RECQL5: variants seen among roughly 807,000 people sequenced by gnomAD.
The protein encoded by RECQL5 is ATP-dependent DNA helicase Q5.
RECQL5 carries 88 observed loss-of-function variants against 103.4 expected under a neutral mutation model. The ratio of observed to expected loss-of-function variants is 0.85; its 90% CI spans 0.72 to 1.02. RECQL5 has a LOEUF of 1.02. RECQL5 is among the 50% of genes least tolerant of loss of function. RECQL5 has a pLI of 0.00. For missense variants in RECQL5, 1,232 were observed against 1,284.3 expected (o/e 0.96, Z 0.62); for synonymous variants, 552 against 507.9 (o/e 1.09, Z -1.17).
intron 8 of RECQL5, among the ~76,000 whole-genome samples, chr17:75,644,768 G>A (rs1272654000): frequency 6.7e-6 from 1 of 149,968 alleles, no homozygotes; most frequent in East Asian, 2.0e-4. Flanking sequence ...GACAGAGGTT[G>A]CAGTGAGCCA....
At chr17:75,641,875 C>T (rs62089258) in intron 8 of RECQL5, among the ~76,000 whole-genome samples, 3 of 152,116 alleles carry the variant, frequency 2.0e-5, no homozygotes, top group Admixed American at 6.5e-5. Flanking sequence ...CTGTCAGCTG[C>T]GTGACTCAAC....
chr17:75,659,058 T>C (rs2059664943), intron 6 of RECQL5, among the ~76,000 whole-genome samples: 1 of 152,010 alleles, frequency 6.6e-6, no homozygotes, highest in African/African-American at 2.4e-5. Context: ...TTATTTTGCT[T>C]GTTTTTTATT....
rs552211911 is a variant in RECQL5, at chr17:75,666,157, GGCTCAT to G, written c.130+265_130+270del. On this transcript the variant is annotated intron_variant, in intron 2 of 19. Coordinates refer to ENST00000317905, the MANE Select transcript of RECQL5 (RefSeq NM_004259.7). ...CTACAAGCTTTGGGCCGGGCGTGGTGGCTCATGCTTGTAATCCCAGCACCTTGGGAG... is the reference window on the plus strand; with the variant it reads ...CTACAAGCTTTGGGCCGGGCGTGGTGGCTTGTAATCCCAGCACCTTGGGAG... 5.8e-4 allele frequency among the ~76,000 whole-genome samples: 89 copies of G among 152,286 alleles called. 1 individual carries two copies. The South Asian group carries it at 9.1e-3, about 16-fold the overall frequency.
In RECQL5 at chr17:75,650,595, G is replaced by A. The variant is rs558787777; in HGVS notation, c.1229+591C>T. On this transcript the variant is annotated intron_variant, in intron 8 of 19. Coordinates refer to ENST00000317905, the MANE Select transcript of RECQL5 (RefSeq NM_004259.7). ...ATGAGATGAATCCAAGAGCTTTTTA[G>A]ACCAAAATGTAAAAACTCCTCCTGG... 10 of 1,591,590 alleles carry A rather than the reference G, an allele frequency of 6.3e-6. No individual in the cohort carries two copies. In the South Asian group the frequency reaches 8.0e-5, roughly 13 times the overall value.
intron 8 of RECQL5, among the ~76,000 whole-genome samples, chr17:75,647,060 G>C (rs941565970): frequency 3.9e-5 from 6 of 152,238 alleles, no homozygotes. Context: ...GGATGAGAGA[G>C]AGTCCTTGCT....
chr17:75,631,808 C>A, intron 8 of RECQL5, 140 bp from the exon 9 acceptor site: 1 of 813,198 alleles, frequency 1.2e-6, no homozygotes, highest in Non-Finnish European at 1.9e-6. Context: ...TCATCTCATC[C>A]AAGCTGCACC....
chr17:75,640,988 A>G lies in RECQL5; in HGVS notation c.1230-9320T>C. ...CCTGGCCCTGCAGCCCTTACCCCTCAAGACCAGGCTCCCCTGGCCCCAGCT... is the reference window on the plus strand; with the variant it reads ...CCTGGCCCTGCAGCCCTTACCCCTCGAGACCAGGCTCCCCTGGCCCCAGCT... On this transcript the variant is annotated intron_variant, in intron 8 of 19. Coordinates refer to ENST00000317905, the MANE Select transcript of RECQL5 (RefSeq NM_004259.7). The surrounding 1 kb of genome is among the most constrained non-coding windows in gnomAD (Gnocchi z 4.6). 1 of 1,499,488 alleles carries G rather than the reference A, an allele frequency of 6.7e-7. No individual in the cohort carries two copies. Among genetic ancestry groups the G allele is most frequent in the Non-Finnish European group, 8.9e-7 (1 of 1,121,234 alleles). 92.9% of individuals were successfully genotyped at this position (1,499,488 alleles called of 1,614,324 possible).
rs1242932852 is a variant in RECQL5, at chr17:75,662,860, T to C, written c.390A>G (p.Pro130=). The C allele has an allele frequency of 6.2e-7, 1 of 1,614,148 alleles. No homozygotes were observed. The highest frequency in any genetic ancestry group is 8.5e-7 in the Non-Finnish European group (1 of 1,180,024). ...GGAAGGAGGATGAAGCTGCCATCTC[T>C]GGGGTGATGTACAGAATCTTGGTCT... ...KPQTKILYIT[P]EMAASSSFQP... The change falls in exon 4 of 20, where the codon CCA becomes CCG. Residue 130 remains proline (P), a synonymous_variant. Coordinates refer to ENST00000317905, the MANE Select transcript of RECQL5 (RefSeq NM_004259.7).
Position 75,665,149 on chromosome 17 carries a change from T to C in RECQL5, c.154A>G (p.Met52Val), listed in dbSNP as rs1284278188. The C allele has an allele frequency of 6.2e-7, 1 of 1,611,264 alleles. No individual in the cohort carries two copies. The highest frequency in any genetic ancestry group is 8.5e-7 in the Non-Finnish European group (1 of 1,179,104). The stretch of plus-strand genomic sequence containing the variant: ...AGGGATTTTCCTGCCCCTGTGGGCA[T>C]GCACACAAAGACGTCCTTGTTACCT... ...VKGNKDVFVC[M>V]PTGAGKSLCY... Residue 52 changes from methionine (M) to valine (V), a missense_variant, in exon 3 of 20, where the codon ATG becomes GTG. By Grantham distance (21) the Met-to-Val change is conservative. Transcript: ENST00000317905.
intron 8 of RECQL5, among the ~76,000 whole-genome samples, chr17:75,642,031 C>T (rs558632379): frequency 2.0e-5 from 3 of 152,148 alleles, no homozygotes; most frequent in Non-Finnish European, 2.9e-5. Flanking sequence ...CACCATGACC[C>T]GTTATTATTT....
At chr17:75,644,023 G>A (rs930881393) in intron 8 of RECQL5, among the ~76,000 whole-genome samples, 14 of 152,264 alleles carry the variant, frequency 9.2e-5, no homozygotes, top group African/African-American at 3.4e-4. Flanking sequence ...CTACAATAGG[G>A]ATGGGCGTGG....
intron 8 of RECQL5, chr17:75,648,916 C>G (rs2059521486): frequency 6.6e-6 from 1 of 151,266 alleles, no homozygotes; most frequent in Non-Finnish European, 1.5e-5. Context: ...TGGTCTTGAA[C>G]TCCCAGGCTC....
chr17:75,658,987 G>A (rs1308976164), intron 6 of RECQL5, among the ~76,000 whole-genome samples: 7 of 152,176 alleles, frequency 4.6e-5, no homozygotes, highest in Admixed American at 3.3e-4. Flanking sequence ...TTTGGGCCTA[G>A]GGGTGTCTGC....
chr17:75,630,220 C>T lies in RECQL5; in HGVS notation c.1776G>A (p.Lys592=), dbSNP rs185098245. Residue 592 remains lysine, a synonymous_variant, in exon 14 of 20, where the codon AAG becomes AAA. Transcript: ENST00000317905. ...ELEHETFRNA[K]VANLYKASVL... ...CGCTGGCCTTGTAGAGGTTGGCCAC[C>T]TTGGCGTTCCGGAATGTCTCATGTT... is the stretch of plus-strand genomic sequence containing the variant. 3 of 1,559,324 alleles carry T rather than the reference C, an allele frequency of 1.9e-6. No individual in the cohort carries two copies. The East Asian group carries it at 7.1e-5, about 37-fold the overall frequency.
Position 75,631,672 on chromosome 17 carries a change from G to T in RECQL5, c.1230-4C>A. The T allele has an allele frequency of 6.2e-7, 1 of 1,610,272 alleles. No individual in the cohort carries two copies. On this transcript the variant is annotated splice_polypyrimidine_tract_variant and splice_region_variant and intron_variant, in intron 8 of 19. Transcript: ENST00000317905. ...GGCAATGGCGGCATGGCGGCACCTG[G>T]AGCAGGCAGCACCGCAGAGGTGAGG...
chr17:75,632,529 C>A (rs539969147), intron 8 of RECQL5, among the ~76,000 whole-genome samples: 2 of 152,228 alleles, frequency 1.3e-5, no homozygotes, highest in Non-Finnish European at 2.9e-5. Flanking sequence ...ACAGGTGGGG[C>A]CTTTAGCCAG....
Position 75,628,989 on chromosome 17 carries a change from CG to C in RECQL5, c.2433del (p.Gly813AspfsTer68). 1.3e-6 allele frequency: 2 copies of C among 1,563,126 alleles called. No homozygotes were observed. Among genetic ancestry groups the C allele is most frequent in the South Asian group, 2.4e-5 (2 of 82,594 alleles). Reference protein sequence around the residue: ...PEKYTGEEDGAGGHSPAPPQT... With the variant: ...PEKYTGEEDGXGGHSPAPPQT... ...TGGGGAGGGGCAGGCGAATGTCCCCCGGCTCCATCTTCCTCCCCTGTGTACT... is the reference window on the plus strand; with the variant it reads ...TGGGGAGGGGCAGGCGAATGTCCCCCGCTCCATCTTCCTCCCCTGTGTACT... On this transcript the variant is annotated frameshift_variant, in exon 16 of 20. Coordinates refer to ENST00000317905, the MANE Select transcript of RECQL5 (RefSeq NM_004259.7). LOFTEE classifies it high-confidence loss of function.
chr17:75,644,197 CG>C (rs1189610848), intron 8 of RECQL5, among the ~76,000 whole-genome samples: 1 of 152,032 alleles, frequency 6.6e-6, no homozygotes, highest in Non-Finnish European at 1.5e-5. Flanking sequence ...CCCAGCTACT[CG>C]GGAGGCTGAA....
At chr17:75,665,938 C>T (rs1873899941) in intron 2 of RECQL5, among the ~76,000 whole-genome samples, 2 of 152,186 alleles carry the variant, frequency 1.3e-5, no homozygotes, top group African/African-American at 4.8e-5. Flanking sequence ...CTATCTGGGA[C>T]CAAGGCCACT....
Sources: allele counts gnomAD v4.1 joint callset (sites outside exome capture counted in the v4.1 genomes callset), GRCh38; gene constraint gnomAD v4.1.1; non-coding constraint Gnocchi (gnomAD v3.1); transcripts MANE v1.5; gene names NCBI Gene and HGNC (gene_info 2026-07-23, HGNC 2026-07-21).